The following NOX4 variants were observed in gnomAD, a reference collection of about 807,000 sequenced individuals.
NOX4 encodes NADPH oxidase 4.
NOX4 carries 69 observed loss-of-function variants against 87.6 expected under a neutral mutation model. The ratio of observed to expected loss-of-function variants is 0.79; its 90% CI spans 0.65 to 0.96. NOX4 has a LOEUF of 0.96. Among genes scored for constraint, NOX4 ranks in the 40% least tolerant of loss-of-function variants. The probability of loss-of-function intolerance (pLI) is 0.00; values close to 1 mark genes in which losing one functional copy is unlikely to be tolerated. For missense variants in NOX4, 680 were observed against 681.5 expected (o/e 1.00, Z 0.02); for synonymous variants, 275 against 238.2 (o/e 1.15, Z -1.42).
At chr11:89,561,083 A>ATATATC in the NOX4 span, among the ~76,000 whole-genome samples, 1 of 125,032 alleles carries the variant, frequency 8.0e-6, no homozygotes, top group African/African-American at 3.2e-5. Flanking sequence ...ATATATATAT[A>ATATATC]TATCCTATCA....
chr11:89,396,015 A>C (rs1403392775), intron 11 of NOX4, among the ~76,000 whole-genome samples: 1 of 152,122 alleles, frequency 6.6e-6, no homozygotes, highest in African/African-American at 2.4e-5. Flanking sequence ...AGGAACTTTA[A>C]AGTAGTTTTT....
the NOX4 span, among the ~76,000 whole-genome samples, chr11:89,579,914 GAA>G: frequency 7.1e-6 from 1 of 140,558 alleles, no homozygotes. Context: ...AAGGTCAAAT[GAA>G]AAAAAAAAAG....
the NOX4 span, among the ~76,000 whole-genome samples, chr11:89,524,748 T>C: frequency 6.6e-6 from 1 of 152,148 alleles, no homozygotes; most frequent in Non-Finnish European, 1.5e-5. Context: ...TTTTGATATA[T>C]AAATACATCG....
the NOX4 span, among the ~76,000 whole-genome samples, chr11:89,573,438 C>G: frequency 6.6e-6 from 1 of 152,196 alleles, no homozygotes; most frequent in South Asian, 2.1e-4. Context: ...ACTCAGGAGG[C>G]TGAGGCAGGA....
At chr11:89,394,368 A>C (rs186395079) in intron 11 of NOX4, among the ~76,000 whole-genome samples, 150 of 147,616 alleles carry the variant, frequency 1.0e-3, no homozygotes, top group Non-Finnish European at 1.7e-3. Context: ...CAAAAAAAAA[A>C]CTCTTGCTGC....
chr11:89,336,585 GT>G (rs1438456736), intron 16 of NOX4, among the ~76,000 whole-genome samples: 2 of 151,940 alleles, frequency 1.3e-5, no homozygotes, highest in Non-Finnish European at 2.9e-5. Context: ...CTAAATCAAT[GT>G]GAAGAGTCAG....
the NOX4 span, among the ~76,000 whole-genome samples, chr11:89,571,809 A>T: frequency 6.6e-6 from 1 of 152,180 alleles, no homozygotes; most frequent in Admixed American, 6.5e-5. Flanking sequence ...GTAGCTACAA[A>T]GATAAAAAGC....
rs535961221 is a variant in NOX4, at chr11:89,476,934, G to A, written c.153+13524C>T. Among the ~76,000 whole-genome samples, 37 of 152,108 alleles carry A rather than the reference G, an allele frequency of 2.4e-4. No homozygotes were observed. In the South Asian group the frequency reaches 5.6e-3, roughly 23 times the overall value. On this transcript the variant is annotated intron_variant, in intron 2 of 17. Transcript: ENST00000263317. ...AGAAGATACATATACATAAAACACC[G>A]AAAAAAGGATAAACATCAAGCACAT...
chr11:89,472,441 A>C (rs1945988134), intron 2 of NOX4, among the ~76,000 whole-genome samples: 1 of 152,272 alleles, frequency 6.6e-6, no homozygotes, highest in East Asian at 1.9e-4. Context: ...TTTTCATAAA[A>C]CTAAAGGGGC....
intron 11 of NOX4, among the ~76,000 whole-genome samples, chr11:89,398,401 T>C (rs1941630561): frequency 6.6e-6 from 1 of 151,918 alleles, no homozygotes; most frequent in Non-Finnish European, 1.5e-5. Context: ...CTTTGAAAAC[T>C]GGCACAAGAC....
chr11:89,333,003 C>T (rs1945539034), intron 17 of NOX4, among the ~76,000 whole-genome samples: 1 of 151,764 alleles, frequency 6.6e-6, no homozygotes, highest in South Asian at 2.1e-4. Context: ...AGAGCAGTAC[C>T]TAAATGTGTA....
chr11:89,513,180 T>C, the NOX4 span, among the ~76,000 whole-genome samples: 3 of 151,792 alleles, frequency 2.0e-5, no homozygotes, highest in Non-Finnish European at 4.4e-5. Context: ...ATTAGCTGTG[T>C]GTGGTGGTGC....
the NOX4 span, among the ~76,000 whole-genome samples, chr11:89,509,891 C>A: frequency 6.6e-6 from 1 of 151,982 alleles, no homozygotes; most frequent in African/African-American, 2.4e-5. Flanking sequence ...ACTCAAACTT[C>A]TCTACCTCCT....
chr11:89,380,700 A>G (rs1172359431), intron 11 of NOX4, among the ~76,000 whole-genome samples: 1 of 152,142 alleles, frequency 6.6e-6, no homozygotes, highest in Non-Finnish European at 1.5e-5. Context: ...TTTCCCTTGG[A>G]AAAAAGCCAA....
the NOX4 span, among the ~76,000 whole-genome samples, chr11:89,560,996 C>CTCTCTCTCTATATA: frequency 2.2e-4 from 9 of 40,800 alleles, no homozygotes; most frequent in African/African-American, 1.2e-3. Context: ...CTCTCTCTCT[C>CTCTCTCTCTATATA]TATATATATA....
At chr11:89,556,389 G>A in the NOX4 span, among the ~76,000 whole-genome samples, 6 of 152,220 alleles carry the variant, frequency 3.9e-5, no homozygotes, top group African/African-American at 1.4e-4. Context: ...TGGGCATGGT[G>A]GCATGTGCCT....
the NOX4 span, among the ~76,000 whole-genome samples, chr11:89,526,870 T>C: frequency 6.6e-6 from 1 of 152,240 alleles, no homozygotes; most frequent in African/African-American, 2.4e-5. Context: ...GCTATAAAGA[T>C]GCCCAAAAAT....
chr11:89,498,648 T>A (rs1448049734), upstream of NOX4: 2 of 152,164 alleles, frequency 1.3e-5, no homozygotes. Flanking sequence ...TCAGAATGAC[T>A]AATAATAGGA....
the NOX4 span, among the ~76,000 whole-genome samples, chr11:89,588,529 C>T: frequency 2.9e-3 from 437 of 152,306 alleles, no homozygotes; most frequent in African/African-American, 0.01. Flanking sequence ...GTAATGAGAA[C>T]TTGCTTCTTC....
Sources: allele counts gnomAD v4.1 joint callset (sites outside exome capture counted in the v4.1 genomes callset), GRCh38; gene constraint gnomAD v4.1.1; transcripts MANE v1.5; gene names NCBI Gene and HGNC (gene_info 2026-07-23, HGNC 2026-07-21).